SHC3: variants seen among roughly 807,000 people sequenced by gnomAD.
SHC3 encodes the protein SHC adaptor protein 3, also known as SHC-transforming protein 3.
A neutral mutation model predicts 60.4 loss-of-function variants in SHC3; 15 were observed. The observed-to-expected ratio is 0.25, with a 90% CI of 0.17 to 0.38. The LOEUF is 0.38. Among genes scored for constraint, SHC3 ranks in the 10% least tolerant of loss-of-function variants. The pLI is 1.00. For synonymous variants in SHC3, 294 were observed against 325.9 expected (o/e 0.90, Z 1.05); for missense variants, 677 against 786.1 (o/e 0.86, Z 1.66).
chr9:89,077,418 T>C (rs1472937628), intron 3 of SHC3, among the ~76,000 whole-genome samples: 1 of 152,158 alleles, frequency 6.6e-6, no homozygotes, highest in East Asian at 1.9e-4. Flanking sequence ...ATCACACAAA[T>C]CAGAAAATGC....
chr9:89,124,153 C>T (rs915455498), intron 1 of SHC3, among the ~76,000 whole-genome samples: 6 of 151,720 alleles, frequency 4.0e-5, no homozygotes, highest in African/African-American at 1.5e-4. Flanking sequence ...CCATCTCATG[C>T]CAGTTAGAAT....
At chr9:89,049,239 T>C (rs1824823794) in intron 7 of SHC3, among the ~76,000 whole-genome samples, 1 of 151,940 alleles carries the variant, frequency 6.6e-6, no homozygotes, top group Non-Finnish European at 1.5e-5. Context: ...CCAGCCTGAG[T>C]GACAGAGCCA....
intron 1 of SHC3, among the ~76,000 whole-genome samples, chr9:89,170,297 G>A (rs1258036771): frequency 6.6e-6 from 1 of 152,232 alleles, no homozygotes; most frequent in Non-Finnish European, 1.5e-5. Context: ...AATCAGCAGG[G>A]AGGGCCCACC....
At position 89,020,267 on chromosome 9, in the gene SHC3, G is replaced by A. The variant is rs547015978; in HGVS notation, c.1657-6692C>T. On this transcript the variant is annotated intron_variant, in intron 11 of 11. Transcript: ENST00000375835. ...AAAGAGGGAGAGGTGACAGGGGGTT[G>A]GAAGGTGGAAGATAGGAAGGGTGGG... 1.5e-4 allele frequency among the ~76,000 whole-genome samples: 23 copies of A among 151,950 alleles called. No individual in the cohort carries two copies. In the South Asian group the frequency reaches 4.6e-3, roughly 30 times the overall value.
chr9:89,069,174 T>A (rs1333177628), intron 5 of SHC3, among the ~76,000 whole-genome samples: 1 of 152,020 alleles, frequency 6.6e-6, no homozygotes, highest in Non-Finnish European at 1.5e-5. Flanking sequence ...CCAGGCATGG[T>A]GGTGTGTGCC....
intron 1 of SHC3, among the ~76,000 whole-genome samples, chr9:89,151,614 G>A (rs1826547171): frequency 1.3e-5 from 2 of 152,118 alleles, no homozygotes; most frequent in African/African-American, 4.8e-5. Flanking sequence ...AGACAAATTT[G>A]GGGCTGTTTT....
rs569798081 is a variant in SHC3 at position 89,132,740 on chromosome 9, C to T, written c.475-20114G>A. Among the ~76,000 whole-genome samples, 5 of 152,314 alleles carry T rather than the reference C, an allele frequency of 3.3e-5. No individual in the cohort carries two copies. In the South Asian group the frequency reaches 1.0e-3, roughly 32 times the overall value. The stretch of plus-strand genomic sequence containing the variant: ...AGCTGAAACTGGATCCTTCCTTACA[C>T]CTTATACAAAAATTAATTCAAGATG... On this transcript the variant is annotated intron_variant, in intron 1 of 11. Transcript: ENST00000375835.
chr9:89,065,698 A>C, intron 5 of SHC3, 118 bp from the exon 6 acceptor site: 2 of 953,372 alleles, frequency 2.1e-6, no homozygotes, highest in Non-Finnish European at 3.3e-6. Context: ...CAGCTAAAGA[A>C]TCAAATGCTG....
Position 89,162,373 on chromosome 9 carries a change from T to A in SHC3, c.474+15614A>T, listed in dbSNP as rs929629385. On this transcript the variant is annotated intron_variant, in intron 1 of 11. Transcript: ENST00000375835. ...CAAGGCTACAGTAACCAAAACAGCA[T>A]GGTACTGGTGACAAAACAGAGATAT... Among the ~76,000 whole-genome samples the A allele has an allele frequency of 3.9e-5, 6 of 152,224 alleles. No homozygotes were observed. The East Asian group carries it at 7.7e-4, about 20-fold the overall frequency.
Position 89,045,860 on chromosome 9 carries a change from T to A in SHC3, c.1114-27A>T, listed in dbSNP as rs1300325397. On this transcript the variant is annotated intron_variant, in intron 8 of 11. Coordinates refer to ENST00000375835, the MANE Select transcript of SHC3 (RefSeq NM_016848.6). ...TATAGACACATGTAAATACACAGAA[T>A]GAAAAAATTATTTTCTTCTCATTTC... 4.4e-6 allele frequency: 7 copies of A among 1,605,722 alleles called. No homozygotes were observed. The South Asian group carries it at 7.7e-5, about 18-fold the overall frequency.
chr9:89,028,707 T>A lies in SHC3; in HGVS notation c.1656+9286A>T, dbSNP rs1824415862. Reference sequence around the variant, plus strand: ...AGATAATCTATATCTATATATTCTATATATATCTATATAGAGAATATATAT... The same window carrying A: ...AGATAATCTATATCTATATATTCTAAATATATCTATATAGAGAATATATAT... On this transcript the variant is annotated intron_variant, in intron 11 of 11. Coordinates refer to ENST00000375835, the MANE Select transcript of SHC3 (RefSeq NM_016848.6). Among the ~76,000 whole-genome samples, 6 of 144,824 alleles carry A rather than the reference T, an allele frequency of 4.1e-5. No homozygotes were observed. In the South Asian group the frequency reaches 1.3e-3, roughly 31 times the overall value.
chr9:89,082,159 C>T (rs1034281300), intron 2 of SHC3, among the ~76,000 whole-genome samples: 5 of 152,184 alleles, frequency 3.3e-5, no homozygotes, highest in Admixed American at 2.6e-4. Context: ...GGGCTCCACC[C>T]AACCCCTCTC....
intron 1 of SHC3, among the ~76,000 whole-genome samples, chr9:89,147,070 C>T (rs923730823): frequency 6.6e-6 from 1 of 151,494 alleles, no homozygotes; most frequent in African/African-American, 2.4e-5. Context: ...AATGAATGAA[C>T]AAATTGTGAT....
intron 1 of SHC3, among the ~76,000 whole-genome samples, chr9:89,160,851 A>G (rs112267020): frequency 0.022 from 3,382 of 152,354 alleles, 55 homozygotes; most frequent in Middle Eastern, 0.055. Context: ...GCTGTGGCAT[A>G]CATAGTTCAT....
chr9:89,016,681 T>C (rs1240359467), intron 11 of SHC3, among the ~76,000 whole-genome samples: 1 of 152,196 alleles, frequency 6.6e-6, no homozygotes, highest in Non-Finnish European at 1.5e-5. Flanking sequence ...GAAGCCAGCA[T>C]TACCTGAATA....
intron 1 of SHC3, among the ~76,000 whole-genome samples, chr9:89,151,615 G>C (rs150679956): frequency 6.6e-6 from 1 of 152,164 alleles, no homozygotes; most frequent in African/African-American, 2.4e-5. Flanking sequence ...GACAAATTTG[G>C]GGCTGTTTTT....
chr9:89,089,717 C>A (rs545287436), intron 2 of SHC3, among the ~76,000 whole-genome samples: 1 of 152,224 alleles, frequency 6.6e-6, no homozygotes, highest in Non-Finnish European at 1.5e-5. Flanking sequence ...GGCTTCAGAG[C>A]CACTTTTTCC....
intron 2 of SHC3, among the ~76,000 whole-genome samples, chr9:89,094,457 C>T (rs958711800): frequency 5.9e-5 from 9 of 152,046 alleles, no homozygotes; most frequent in African/African-American, 1.5e-4. Flanking sequence ...AAGAAGAGCA[C>T]GCACAATTTG....
chr9:89,052,050 C>A lies in SHC3; in HGVS notation c.949G>T (p.Ala317Ser). 1 of 1,613,728 alleles carries A rather than the reference C, an allele frequency of 6.2e-7. No homozygotes were observed. The highest frequency in any genetic ancestry group is 8.5e-7 in the Non-Finnish European group (1 of 1,179,716). Residue 317 changes from alanine (A) to serine (S), a missense_variant, in exon 7 of 12, where the codon GCT becomes TCT. Transcript: ENST00000375835. ...AGCACTACTCACCGATCATGGAGAG[C>A]GGGAATCTTGGTAGGACACTGTAAA... is the stretch of plus-strand genomic sequence containing the variant. ...QYLQCPTKIP[A>S]LHDRMQSLDE...
Sources: gnomAD v4.1 joint callset for allele counts (sites outside exome capture counted in the v4.1 genomes callset) on GRCh38, gnomAD v4.1.1 for gene constraint, MANE v1.5 for transcripts, NCBI Gene and HGNC (gene_info 2026-07-23, HGNC 2026-07-21) for gene names.